UNC79: variants seen among roughly 807,000 people sequenced by gnomAD.
UNC79 encodes protein unc-79 homolog.
Under a neutral mutation model 283.1 loss-of-function variants are expected in UNC79, and 37 were observed. The observed-to-expected ratio is 0.13, with a 90% CI of 0.10 to 0.17. The LOEUF is 0.17. Among genes scored for constraint, UNC79 ranks in the 10% least tolerant of loss-of-function variants. The pLI is 1.00. For synonymous variants in UNC79, 1,107 were observed against 1,200.2 expected (o/e 0.92, Z 1.61); for missense variants, 2,272 against 3,211.1 (o/e 0.71, Z 7.07).
At chr14:93,526,867 A>G (rs1313594214) in intron 8 of UNC79, among the ~76,000 whole-genome samples, 1 of 152,200 alleles carries the variant, frequency 6.6e-6, no homozygotes, top group Non-Finnish European at 1.5e-5. Context: ...AAGAGGGTAG[A>G]ATAACATATA....
At chr14:93,438,575 G>T (rs1242077946) in intron 1 of UNC79, among the ~76,000 whole-genome samples, 1 of 151,674 alleles carries the variant, frequency 6.6e-6, no homozygotes, top group African/African-American at 2.4e-5. Flanking sequence ...TTTTTGTGGG[G>T]AATTTTCTAA....
intron 35 of UNC79, among the ~76,000 whole-genome samples, chr14:93,651,799 G>A (rs2140317746): frequency 6.6e-6 from 1 of 151,922 alleles, no homozygotes; most frequent in South Asian, 2.1e-4. Context: ...GAATGCAGTG[G>A]TGCAATCTCG....
At chr14:93,563,445 A>G (rs888241710) in intron 14 of UNC79, among the ~76,000 whole-genome samples, 7 of 152,176 alleles carry the variant, frequency 4.6e-5, no homozygotes, top group African/African-American at 1.4e-4. Flanking sequence ...ATATAACAGC[A>G]TGGTGGTACA....
At chr14:93,334,671 G>C (rs1353668616) in intron 1 of UNC79, 1 of 152,140 alleles carries the variant, frequency 6.6e-6, no homozygotes, top group African/African-American at 2.4e-5. Context: ...AACAACACGG[G>C]TTTGAACTGT....
chr14:93,352,965 T>G (rs1300686566), intron 1 of UNC79, among the ~76,000 whole-genome samples: 1 of 152,230 alleles, frequency 6.6e-6, no homozygotes, highest in Non-Finnish European at 1.5e-5. Context: ...TATGCACATA[T>G]GCACAAACAT....
intron 26 of UNC79, among the ~76,000 whole-genome samples, chr14:93,606,783 C>T (rs2065917785): frequency 6.6e-6 from 1 of 152,172 alleles, no homozygotes; most frequent in Non-Finnish European, 1.5e-5. Context: ...ATTCTGTTTT[C>T]TATAGAAAGT....
At chr14:93,681,012 G>C (rs2140807570) in intron 41 of UNC79, among the ~76,000 whole-genome samples, 1 of 152,228 alleles carries the variant, frequency 6.6e-6, no homozygotes, top group Middle Eastern at 3.4e-3. Flanking sequence ...CCTTACATTA[G>C]AAATAAGCTT....
chr14:93,370,095 C>T (rs886321287), intron 1 of UNC79, among the ~76,000 whole-genome samples: 9 of 152,162 alleles, frequency 5.9e-5, no homozygotes, highest in African/African-American at 2.2e-4. Flanking sequence ...CTAATCACTA[C>T]ATTACTAAAG....
In UNC79 at chr14:93,391,529, G is replaced by A. The variant is rs534042709; in HGVS notation, c.-351+58006G>A. 3.0e-4 allele frequency among the ~76,000 whole-genome samples: 46 copies of A among 152,282 alleles called. No individual in the cohort carries two copies. In the South Asian group the frequency reaches 6.6e-3, roughly 22 times the overall value. On this transcript the variant is annotated intron_variant, in intron 1 of 49. Transcript: ENST00000256339. ...TTCATCAAAAGACAAACTGAAGGGC[G>A]TACAAAGGTAGGCTACAGAATGGTA...
intron 1 of UNC79, among the ~76,000 whole-genome samples, chr14:93,401,061 T>A (rs76775055): frequency 0.02 from 2,979 of 152,292 alleles, 91 homozygotes; most frequent in African/African-American, 0.069. Flanking sequence ...TTATGTATGC[T>A]GAGTTTAAGG....
chr14:93,459,674 C>CTT (rs34182907), intron 1 of UNC79, among the ~76,000 whole-genome samples: 2 of 90,680 alleles, frequency 2.2e-5, no homozygotes, highest in African/African-American at 9.8e-5. Flanking sequence ...GTTTATTCAA[C>CTT]TTTTTTTTTT....
chr14:93,518,503 A>T (rs1369258754), intron 7 of UNC79, among the ~76,000 whole-genome samples: 1 of 151,552 alleles, frequency 6.6e-6, no homozygotes, highest in Non-Finnish European at 1.5e-5. Context: ...TCAAAGAACC[A>T]GTTTTTGATT....
chr14:93,449,336 C>T (rs1024147877), intron 1 of UNC79, among the ~76,000 whole-genome samples: 66 of 152,244 alleles, frequency 4.3e-4, no homozygotes, highest in African/African-American at 1.6e-3. Flanking sequence ...AGATTCGTTT[C>T]TTAAATAAAT....
chr14:93,518,992 T>G (rs954909312), intron 7 of UNC79, among the ~76,000 whole-genome samples: 9 of 151,956 alleles, frequency 5.9e-5, no homozygotes, highest in African/African-American at 2.2e-4. Context: ...TAAAACAATG[T>G]GTATTCCACA....
intron 14 of UNC79, among the ~76,000 whole-genome samples, chr14:93,557,822 C>T (rs2062260893): frequency 6.6e-6 from 1 of 152,206 alleles, no homozygotes; most frequent in Non-Finnish European, 1.5e-5. Flanking sequence ...TATTGTTCTT[C>T]CCAGAAGTAA....
intron 1 of UNC79, among the ~76,000 whole-genome samples, chr14:93,467,404 G>T (rs896494809): frequency 1.3e-5 from 2 of 151,842 alleles, no homozygotes; most frequent in Admixed American, 6.6e-5. Context: ...TAGATAATTT[G>T]TGAATAGGAT....
chr14:93,577,889 T>C lies in UNC79; in HGVS notation c.2259T>C (p.Leu753=), dbSNP rs774422945. The C allele has an allele frequency of 4.3e-6, 7 of 1,614,252 alleles. 1 individual carries two copies. The South Asian group carries it at 6.6e-5, about 15-fold the overall frequency. ...GCCGACGAGTTCAGCACAATATGCT[T>C]AGTCCATTTCATAGTCCTTTCCAGA... Residue 753 remains leucine, a synonymous_variant, in exon 18 of 49, where the codon CTT becomes CTC. Transcript: ENST00000555664.
intron 1 of UNC79, among the ~76,000 whole-genome samples, chr14:93,418,514 C>T (rs996182064): frequency 6.6e-5 from 10 of 151,760 alleles, no homozygotes; most frequent in African/African-American, 2.4e-4. Flanking sequence ...TCTCAGATCT[C>T]CAGCTGCATG....
exon 27 of UNC79, chr14:93,612,997 G>C: frequency 6.2e-7 from 1 of 1,614,200 alleles, no homozygotes; most frequent in South Asian, 1.1e-5. Flanking sequence ...ACTCGGCTAT[G>C]ACCAGCAGGA....
Sources: gnomAD v4.1 joint callset for allele counts (sites outside exome capture counted in the v4.1 genomes callset) on GRCh38, gnomAD v4.1.1 for gene constraint, MANE v1.5 for transcripts, NCBI Gene and HGNC (gene_info 2026-07-23, HGNC 2026-07-21) for gene names.